Variants in MCF2L observed in about 807,000 individuals in gnomAD.
The protein encoded by MCF2L is guanine nucleotide exchange factor DBS.
MCF2L carries 97 observed loss-of-function variants against 153.4 expected under a neutral mutation model. The ratio of observed to expected loss-of-function variants is 0.63; its 90% confidence interval spans 0.54 to 0.75. MCF2L has a LOEUF of 0.75. MCF2L is among the 30% of genes least tolerant of loss of function. The probability of loss-of-function intolerance (pLI) is 0.00; values close to 1 mark genes in which losing one functional copy is unlikely to be tolerated. For synonymous variants in MCF2L, 659 were observed against 632.2 expected, an observed-to-expected ratio of 1.04 and a Z score of -0.64; for missense variants, 1,347 against 1,495.2, an observed-to-expected ratio of 0.90 and a Z score of 1.64.
rs567069542 is a variant in MCF2L, at chr13:112,914,036, CCT to C, written c.169+11666_169+11667del. Among the ~76,000 whole-genome samples, 9 of 152,328 alleles carry C rather than the reference CCT, an allele frequency of 5.9e-5. No homozygotes were observed. The South Asian group carries it at 1.7e-3, about 28-fold the overall frequency. ...GTTAGCATCCCCAGCCCCTTCTCCC[CCT>C]GTGAGCCAGCCTGGGTTCTTTTCTT... is the stretch of plus-strand genomic sequence containing the variant. On this transcript the variant is annotated intron_variant, in intron 2 of 29. Transcript: ENST00000375608.
At position 112,916,043 on chromosome 13, in the gene MCF2L, A is replaced by G. The variant is rs747573685; in HGVS notation, c.169+13672A>G. The stretch of plus-strand genomic sequence containing the variant: ...GAAACCCCGTCTCTACTAAAAATAC[A>G]AAAAAAAAAAAAAAATTAGCCGGGC... On this transcript the variant is annotated intron_variant, in intron 2 of 29. Transcript: ENST00000375608. Among the ~76,000 whole-genome samples, 279 of 58,060 alleles carry G rather than the reference A, an allele frequency of 4.8e-3. 2 individuals carry two copies. Among genetic ancestry groups the G allele is most frequent in the Middle Eastern group, 9.4e-3 (1 of 106 alleles). 38.1% of individuals were successfully genotyped at this position (58,060 alleles called of 152,430 possible). A position where few individuals can be genotyped will look rare whatever the true frequency, so the allele number is the denominator to read the frequency against.
At chr13:113,059,049 A>G (rs1452955885) in intron 4 of MCF2L, among the ~76,000 whole-genome samples, 1 of 150,886 alleles carries the variant, frequency 6.6e-6, no homozygotes, top group South Asian at 2.1e-4. Flanking sequence ...CAGACTTGTC[A>G]AGGTCTTGCT....
chr13:112,915,577 G>A (rs1251781068), intron 2 of MCF2L, among the ~76,000 whole-genome samples: 1 of 151,862 alleles, frequency 6.6e-6, no homozygotes, highest in African/African-American at 2.4e-5. Context: ...TAGGGCTGGT[G>A]GTCTCGTTTC....
chr13:113,072,121 T>C (rs2032978572), intron 9 of MCF2L, among the ~76,000 whole-genome samples: 1 of 152,258 alleles, frequency 6.6e-6, no homozygotes, highest in Non-Finnish European at 1.5e-5. Flanking sequence ...ATTATATTTT[T>C]AATTTTGGCA....
At chr13:113,089,490 T>A in intron 25 of MCF2L, 120 bp from the exon 26 acceptor site, 1 of 708,810 alleles carries the variant, frequency 1.4e-6, no homozygotes. Flanking sequence ...GTGCAGGAGA[T>A]GCTGCTTTAG....
chr13:112,909,276 T>C (rs1378073368), intron 2 of MCF2L: 6 of 779,668 alleles, frequency 7.7e-6, no homozygotes, highest in African/African-American at 1.7e-5. Context: ...TCGTCCACAG[T>C]GAGCTGGTGT....
intron 5 of MCF2L, among the ~76,000 whole-genome samples, chr13:113,062,700 G>A (rs951502691): frequency 1.3e-4 from 20 of 152,156 alleles, no homozygotes; most frequent in Non-Finnish European, 2.5e-4. Flanking sequence ...TTTCAGTGCC[G>A]TGTGCTGGAC....
chr13:113,091,007 G>T, intron 26 of MCF2L: 1 of 1,265,480 alleles, frequency 7.9e-7, no homozygotes. Flanking sequence ...GTGGAAAGGG[G>T]CCACAACGTC....
chr13:113,090,101 C>T, intron 26 of MCF2L: 1 of 1,549,854 alleles, frequency 6.5e-7, no homozygotes, highest in Non-Finnish European at 8.7e-7. Context: ...TCAGAAAGCT[C>T]TGCGCTTTCC....
chr13:113,053,124 C>G lies in MCF2L; in HGVS notation c.370-7469C>G, dbSNP rs913252198. ...CTGACATGGTGTCTCCTGAGTGGAG[C>G]TGCCCTCTGCATAACCACAGGCGAG... On this transcript the variant is annotated intron_variant, in intron 4 of 29. Transcript: ENST00000535094. The surrounding 1 kb of genome is among the most constrained non-coding windows in gnomAD (Gnocchi z 4.4). Among the ~76,000 whole-genome samples, 1 of 152,210 alleles carries G rather than the reference C, an allele frequency of 6.6e-6. No homozygotes were observed. The highest frequency in any genetic ancestry group is 2.4e-5 in the African/African-American group (1 of 41,458).
intron 2 of MCF2L, among the ~76,000 whole-genome samples, chr13:112,940,277 G>A (rs901917417): frequency 3.9e-5 from 6 of 152,194 alleles, no homozygotes; most frequent in East Asian, 1.9e-4. Context: ...TTTGGACACC[G>A]CCAGAAACTC....
In MCF2L at chr13:112,971,265, G is replaced by A. The variant is rs142565761; in HGVS notation, c.79+1807G>A. On this transcript the variant is annotated intron_variant, in intron 1 of 29. Coordinates refer to ENST00000535094, the MANE Select transcript of MCF2L (RefSeq NM_001112732.3). The stretch of plus-strand genomic sequence containing the variant: ...TCAAGGTAAACCTGATCCCCACCTC[G>A]GGTTTAAATTCCAAGCACTTCCTCA... Among the ~76,000 whole-genome samples the A allele has an allele frequency of 7.9e-3, 1,206 of 152,312 alleles. 10 individuals are homozygous for A. The highest frequency in any genetic ancestry group is 0.013 in the Non-Finnish European group (892 of 68,034).
chr13:113,070,369 C>T lies in MCF2L; in HGVS notation c.996+196C>T, dbSNP rs1198765582. ...CCTTGAAATGCACGATTGATGACTGCGTCATTGTATAGAAAGGTGATTGAA... is the reference window on the plus strand; with the variant it reads ...CCTTGAAATGCACGATTGATGACTGTGTCATTGTATAGAAAGGTGATTGAA... On this transcript the variant is annotated intron_variant, in intron 9 of 29. Coordinates refer to ENST00000535094, the MANE Select transcript of MCF2L (RefSeq NM_001112732.3). This position sits in a 1 kb window ranked among gnomAD's most constrained non-coding sequence, Gnocchi z 5.6. 5 of 434,914 alleles carry T rather than the reference C, an allele frequency of 1.1e-5. No individual in the cohort carries two copies. The highest frequency in any genetic ancestry group is 2.0e-5 in the Non-Finnish European group (5 of 246,810). 26.9% of individuals were successfully genotyped at this position (434,914 alleles called of 1,614,324 possible).
intron 1 of MCF2L, chr13:112,902,052 A>G (rs2081124354): frequency 1.6e-6 from 1 of 641,332 alleles, no homozygotes. Flanking sequence ...CCGGAGAAGA[A>G]TGAATTTAGT....
At chr13:113,030,063 A>G (rs1368247929) in intron 3 of MCF2L, among the ~76,000 whole-genome samples, 4 of 152,170 alleles carry the variant, frequency 2.6e-5, no homozygotes, top group African/African-American at 9.7e-5. Flanking sequence ...ATCTGACTAT[A>G]CTCATCATTT....
chr13:113,015,373 A>G (rs958530725), intron 2 of MCF2L, among the ~76,000 whole-genome samples: 12 of 152,202 alleles, frequency 7.9e-5, no homozygotes, highest in African/African-American at 2.9e-4. Context: ...TATGTGAACA[A>G]ATCTGCCCAA....
intron 2 of MCF2L, among the ~76,000 whole-genome samples, chr13:112,953,567 G>A (rs888315647): frequency 6.6e-6 from 1 of 152,228 alleles, no homozygotes; most frequent in Non-Finnish European, 1.5e-5. Context: ...ACAGGAACAA[G>A]GGTCAGGCAG....
At chr13:113,091,628 G>A (rs1380657374) in intron 26 of MCF2L, among the ~76,000 whole-genome samples, 1 of 152,094 alleles carries the variant, frequency 6.6e-6, no homozygotes, top group Non-Finnish European at 1.5e-5. Context: ...GGCCGACCCG[G>A]ACCCTCCTTT....
At chr13:113,010,461 C>T (rs1172312115) in intron 1 of MCF2L, 1 of 152,238 alleles carries the variant, frequency 6.6e-6, no homozygotes, top group Non-Finnish European at 1.5e-5. Context: ...TGGGGCCTCA[C>T]CTGTGTATCA....
Sources: allele counts gnomAD v4.1 joint callset (sites outside exome capture counted in the v4.1 genomes callset), GRCh38; gene constraint gnomAD v4.1.1; non-coding constraint Gnocchi (gnomAD v3.1); transcripts MANE v1.5; gene names NCBI Gene and HGNC (gene_info 2026-07-23, HGNC 2026-07-21).